Variants in SLC24A4 observed in about 807,000 individuals in gnomAD.
The protein encoded by SLC24A4 is sodium/potassium/calcium exchanger 4.
Under a neutral mutation model 79.0 loss-of-function variants are expected in SLC24A4, and 53 were observed. The ratio of observed to expected loss-of-function variants is 0.67; its 90% confidence interval spans 0.54 to 0.84. The LOEUF is 0.84. SLC24A4 is among the 40% of genes least tolerant of loss of function. SLC24A4 has a pLI of 0.00. For synonymous variants in SLC24A4, 323 were observed against 323.8 expected (o/e 1.00, Z 0.03); for missense variants, 731 against 822.0 (o/e 0.89, Z 1.35).
At chr14:92,450,694 G>A (rs1187263492) in intron 10 of SLC24A4, 1 of 152,290 alleles carries the variant, frequency 6.6e-6, no homozygotes, top group East Asian at 1.9e-4. Context: ...ACAGAGGCTG[G>A]TTGCTGCCCT....
intron 5 of SLC24A4, among the ~76,000 whole-genome samples, chr14:92,442,430 T>C (rs749051486): frequency 6.6e-5 from 10 of 152,322 alleles, no homozygotes; most frequent in Admixed American, 2.0e-4. Context: ...ATTCTGTGAA[T>C]ATACTAAAAC....
chr14:92,485,932 T>C (rs2139932805), intron 13 of SLC24A4, among the ~76,000 whole-genome samples: 1 of 152,290 alleles, frequency 6.6e-6, no homozygotes, highest in African/African-American at 2.4e-5. Context: ...AATAGCCTCA[T>C]TCTGGGGGAG....
At chr14:92,338,822 G>C (rs958741884) in intron 2 of SLC24A4, among the ~76,000 whole-genome samples, 1 of 152,242 alleles carries the variant, frequency 6.6e-6, no homozygotes, top group Non-Finnish European at 1.5e-5. Flanking sequence ...GCAGTGGTAA[G>C]AATGCAGGTA....
intron 12 of SLC24A4, among the ~76,000 whole-genome samples, chr14:92,459,992 G>A (rs1183455797): frequency 6.6e-6 from 1 of 152,168 alleles, no homozygotes; most frequent in Non-Finnish European, 1.5e-5. Flanking sequence ...CAAAGCTGGG[G>A]CGCTGGAAGG....
At chr14:92,418,666 G>T (rs1021237269) in intron 2 of SLC24A4, among the ~76,000 whole-genome samples, 1 of 152,080 alleles carries the variant, frequency 6.6e-6, no homozygotes, top group Non-Finnish European at 1.5e-5. Context: ...CTCAGTTGTT[G>T]TTGTTTTGTT....
chr14:92,377,277 T>A (rs1220117584), intron 2 of SLC24A4, among the ~76,000 whole-genome samples: 1 of 152,222 alleles, frequency 6.6e-6, no homozygotes, highest in Non-Finnish European at 1.5e-5. Context: ...GTAGAAGATG[T>A]GTTTTATTTA....
At chr14:92,468,722 C>T (rs971562205) in intron 12 of SLC24A4, among the ~76,000 whole-genome samples, 6 of 152,074 alleles carry the variant, frequency 3.9e-5, no homozygotes, top group African/African-American at 1.4e-4. Context: ...AAGTCTGATC[C>T]CTACTGCTCA....
In SLC24A4 at chr14:92,444,924, CACACACAT is replaced by C. The variant is rs1383934833; in HGVS notation, c.658-385_658-378del. Among the ~76,000 whole-genome samples, 351 of 74,524 alleles carry C rather than the reference CACACACAT, an allele frequency of 4.7e-3. 3 individuals carry two copies. In the East Asian group the frequency reaches 0.066, roughly 14 times the overall value. The allele number at this position is 74,524 out of a possible 152,430, so 48.9% of individuals were successfully genotyped here. A position where few individuals can be genotyped will look rare whatever the true frequency, so the allele number is the denominator to read the frequency against. ...TATATACACACACACACCCTATATA[CACACACAT>C]ACACACACACACACACACACACACA... On this transcript the variant is annotated intron_variant, in intron 7 of 16. Transcript: ENST00000532405.
chr14:92,475,296 A>C (rs1182745610), intron 12 of SLC24A4, among the ~76,000 whole-genome samples: 1 of 152,204 alleles, frequency 6.6e-6, no homozygotes, highest in African/African-American at 2.4e-5. Context: ...TTAGGTAACA[A>C]GGCAGTAAAC....
At chr14:92,383,672 G>A (rs893374994) in intron 2 of SLC24A4, among the ~76,000 whole-genome samples, 7 of 152,182 alleles carry the variant, frequency 4.6e-5, no homozygotes, top group African/African-American at 1.2e-4. Context: ...TCAACCCTCC[G>A]AGTGGCCCTC....
chr14:92,416,657 G>A (rs17184215), intron 2 of SLC24A4, among the ~76,000 whole-genome samples: 32,065 of 152,174 alleles, frequency 0.21, 3,785 homozygotes, highest in Non-Finnish European at 0.25. Flanking sequence ...TCCTGATGAA[G>A]CTCTGGTTTG....
At chr14:92,345,661 C>A (rs1290218898) in intron 2 of SLC24A4, among the ~76,000 whole-genome samples, 2 of 152,042 alleles carry the variant, frequency 1.3e-5, no homozygotes, top group Non-Finnish European at 2.9e-5. Flanking sequence ...GAGATGGTGC[C>A]ACTGCACTGC....
At chr14:92,381,217 G>T (rs1212856823) in intron 2 of SLC24A4, among the ~76,000 whole-genome samples, 1 of 152,148 alleles carries the variant, frequency 6.6e-6, no homozygotes, top group Non-Finnish European at 1.5e-5. Flanking sequence ...TAAAGAAAAC[G>T]TGGCACATAT....
At chr14:92,483,166 T>G (rs553230750) in intron 13 of SLC24A4, among the ~76,000 whole-genome samples, 1 of 152,178 alleles carries the variant, frequency 6.6e-6, no homozygotes, top group African/African-American at 2.4e-5. Context: ...CAAGCCCCCT[T>G]GGTTTCCAGG....
At chr14:92,376,075 T>G (rs1462122624) in intron 2 of SLC24A4, among the ~76,000 whole-genome samples, 1 of 152,214 alleles carries the variant, frequency 6.6e-6, no homozygotes, top group Non-Finnish European at 1.5e-5. Context: ...TTTCTTCTGT[T>G]TGCTGTGAGG....
chr14:92,373,192 ACG>A (rs1491397594), intron 2 of SLC24A4, among the ~76,000 whole-genome samples: 29 of 53,578 alleles, frequency 5.4e-4, no homozygotes, highest in South Asian at 1.4e-3. Context: ...ACACACACAC[ACG>A]CACACACACA....
intron 14 of SLC24A4, among the ~76,000 whole-genome samples, chr14:92,488,937 G>T (rs141907404): frequency 6.6e-6 from 1 of 152,278 alleles, no homozygotes; most frequent in East Asian, 1.9e-4. Flanking sequence ...TTGCAGGAGT[G>T]GGGAGTGTCC....
chr14:92,404,036 C>T (rs1392258579), intron 2 of SLC24A4, among the ~76,000 whole-genome samples: 2 of 152,206 alleles, frequency 1.3e-5, no homozygotes, highest in African/African-American at 4.8e-5. Flanking sequence ...ACAGGCTTCA[C>T]TCTGGGCTTG....
chr14:92,465,654 A>G (rs10873423), intron 12 of SLC24A4, among the ~76,000 whole-genome samples: 129,726 of 152,000 alleles, frequency 0.85, 55,694 homozygotes, highest in South Asian at 0.9. Context: ...CAGCTGCTTC[A>G]GCGAGGAAGC....
Sources: allele counts gnomAD v4.1 joint callset (sites outside exome capture counted in the v4.1 genomes callset), GRCh38; gene constraint gnomAD v4.1.1; transcripts MANE v1.5; gene names NCBI Gene and HGNC (gene_info 2026-07-23, HGNC 2026-07-21).